Variants in CCDC192 observed in about 807,000 individuals in gnomAD.
CCDC192 encodes the protein coiled-coil domain-containing protein 192.
chr5:127,917,544 T>C (rs1753558720), intron 6 of CCDC192, among the ~76,000 whole-genome samples: 1 of 152,224 alleles, frequency 6.6e-6, no homozygotes, highest in African/African-American at 2.4e-5. Flanking sequence ...ATTTAAGGGT[T>C]ATTAAATAGC....
intron 5 of CCDC192, among the ~76,000 whole-genome samples, chr5:127,855,613 C>T (rs1751031141): frequency 6.6e-6 from 1 of 152,212 alleles, no homozygotes; most frequent in Non-Finnish European, 1.5e-5. Flanking sequence ...TTTGCCCAAT[C>T]TATCAGAAGA....
At chr5:127,706,525 G>GAAAAAAAAA (rs1224118510) in intron 1 of CCDC192, among the ~76,000 whole-genome samples, 1 of 60,276 alleles carries the variant, frequency 1.7e-5, no homozygotes, top group Non-Finnish European at 3.0e-5. Context: ...CTCCATCTCA[G>GAAAAAAAAA]AAAAAAAAAA....
chr5:127,791,197 T>C (rs1037807663), intron 3 of CCDC192, among the ~76,000 whole-genome samples: 2 of 152,234 alleles, frequency 1.3e-5, no homozygotes, highest in Non-Finnish European at 2.9e-5. Flanking sequence ...TGTCATATTA[T>C]AAATTTGAAG....
chr5:127,826,135 A>T (rs531393339), intron 5 of CCDC192, among the ~76,000 whole-genome samples: 15 of 152,252 alleles, frequency 9.9e-5, no homozygotes, highest in African/African-American at 3.6e-4. Flanking sequence ...TTCTTTTTCA[A>T]TTGGAAAGGT....
intron 2 of CCDC192, among the ~76,000 whole-genome samples, chr5:127,743,030 C>T (rs577662301): frequency 7.0e-4 from 106 of 152,148 alleles, no homozygotes; most frequent in Middle Eastern, 6.8e-3. Flanking sequence ...ACGCTGATCT[C>T]GCTGGACATT....
chr5:127,854,760 G>A (rs1279905417), intron 5 of CCDC192, among the ~76,000 whole-genome samples: 1 of 152,078 alleles, frequency 6.6e-6, no homozygotes, highest in Non-Finnish European at 1.5e-5. Context: ...AATAAAGTGA[G>A]TCACAGTAAT....
At chr5:127,880,263 T>C (rs1020137436) in intron 6 of CCDC192, among the ~76,000 whole-genome samples, 11 of 152,016 alleles carry the variant, frequency 7.2e-5, no homozygotes, top group African/African-American at 2.4e-4. Context: ...CATGGAATAC[T>C]ATGCAGCCAT....
At chr5:127,839,553 C>A (rs1380991737) in intron 5 of CCDC192, among the ~76,000 whole-genome samples, 1 of 151,902 alleles carries the variant, frequency 6.6e-6, no homozygotes, top group Non-Finnish European at 1.5e-5. Context: ...ACTTTTAAAT[C>A]ACAAAATAAA....
intron 6 of CCDC192, among the ~76,000 whole-genome samples, chr5:127,906,071 A>T (rs1219071967): frequency 6.6e-6 from 1 of 152,186 alleles, no homozygotes; most frequent in African/African-American, 2.4e-5. Flanking sequence ...TCAAGTGTAC[A>T]ATTCAGTGCC....
intron 5 of CCDC192, among the ~76,000 whole-genome samples, chr5:127,817,893 T>A (rs1474943253): frequency 6.6e-6 from 1 of 152,224 alleles, no homozygotes; most frequent in Non-Finnish European, 1.5e-5. Context: ...ACCACGCTTT[T>A]AGAAACATTG....
rs1194429029 is a variant in CCDC192, at chr5:127,941,416, C to G, written c.770C>G (p.Pro257Arg). Reference sequence around the variant, plus strand: ...CCTCCAGGATGTTTACCAGAAGCCCCAGTTTTCTCTACTCATGACATCCCA... The same window carrying G: ...CCTCCAGGATGTTTACCAGAAGCCCGAGTTTTCTCTACTCATGACATCCCA... ...KDPPGCLPEA[P>R]VFSTHDIPPV... The change falls in exon 7 of 7, where the codon CCA (proline) becomes CGA (arginine). Residue 257 changes from proline to arginine, a missense_variant. By Grantham distance (103) the Pro-to-Arg change is moderately radical (BLOSUM62 -2). Transcript: ENST00000514853. 3 of 398,910 alleles carry G rather than the reference C, an allele frequency of 7.5e-6. No individual in the cohort carries two copies. The highest frequency in any genetic ancestry group is 1.3e-5 in the Non-Finnish European group (3 of 226,066). 24.7% of individuals were successfully genotyped at this position (398,910 alleles called of 1,614,324 possible).
intron 2 of CCDC192, among the ~76,000 whole-genome samples, chr5:127,751,256 T>G (rs1246210948): frequency 6.6e-6 from 1 of 152,190 alleles, no homozygotes. Context: ...CTGGTACCAG[T>G]TGTTCCTTTC....
At chr5:127,732,089 CA>C (rs1458407428) in intron 2 of CCDC192, among the ~76,000 whole-genome samples, 4 of 151,826 alleles carry the variant, frequency 2.6e-5, no homozygotes. Flanking sequence ...AAATTTTTTG[CA>C]ATCTATTCAT....
At chr5:127,723,680 C>T (rs973196813) in intron 2 of CCDC192, among the ~76,000 whole-genome samples, 11 of 152,198 alleles carry the variant, frequency 7.2e-5, no homozygotes, top group Non-Finnish European at 1.3e-4. Flanking sequence ...GAGAGGCTTT[C>T]TCTGGATACT....
chr5:127,903,435 G>T (rs966996801), intron 6 of CCDC192, among the ~76,000 whole-genome samples: 1 of 152,094 alleles, frequency 6.6e-6, no homozygotes. Flanking sequence ...TAGAGACGGG[G>T]TTTTGCCATG....
intron 2 of CCDC192, among the ~76,000 whole-genome samples, chr5:127,750,873 C>A (rs1754114215): frequency 6.6e-6 from 1 of 151,236 alleles, no homozygotes; most frequent in Non-Finnish European, 1.5e-5. Context: ...ATGTAATGGC[C>A]TTCTTTGTCT....
intron 6 of CCDC192, among the ~76,000 whole-genome samples, chr5:127,895,511 T>C (rs1752855338): frequency 6.6e-6 from 1 of 152,154 alleles, no homozygotes; most frequent in African/African-American, 2.4e-5. Flanking sequence ...AAATAAAATC[T>C]AGAGCACAAT....
chr5:127,832,664 T>G (rs1416133949), intron 5 of CCDC192, among the ~76,000 whole-genome samples: 1 of 152,088 alleles, frequency 6.6e-6, no homozygotes, highest in Non-Finnish European at 1.5e-5. Context: ...TCAAACTTAG[T>G]AAATAAATAT....
chr5:127,909,952 A>T (rs1481271851), intron 6 of CCDC192, among the ~76,000 whole-genome samples: 1 of 152,222 alleles, frequency 6.6e-6, no homozygotes, highest in East Asian at 1.9e-4. Flanking sequence ...CGTATTTTCA[A>T]AATGTGCTCA....
Sources: allele counts gnomAD v4.1 joint callset (sites outside exome capture counted in the v4.1 genomes callset), GRCh38; gene constraint gnomAD v4.1.1; transcripts MANE v1.5; gene names NCBI Gene and HGNC (gene_info 2026-07-23, HGNC 2026-07-21).